Variants in LRRN3 observed in about 807,000 individuals in gnomAD.
LRRN3 encodes the protein leucine rich repeat neuronal 3, also known as leucine-rich repeat neuronal protein 3.
Under a neutral mutation model 40.1 loss-of-function variants are expected in LRRN3, and 15 were observed. The ratio of observed to expected loss-of-function variants is 0.37; its 90% confidence interval spans 0.25 to 0.58. The LOEUF is 0.58. Among genes scored for constraint, LRRN3 ranks in the 20% least tolerant of loss-of-function variants. The pLI is 0.72. For missense variants in LRRN3, 746 were observed against 837.7 expected (o/e 0.89, Z 1.35); for synonymous variants, 308 against 297.2 (o/e 1.04, Z -0.37).
At chr7:111,112,165 G>A (rs912224204) in intron 2 of LRRN3, among the ~76,000 whole-genome samples, 7 of 151,694 alleles carry the variant, frequency 4.6e-5, no homozygotes, top group East Asian at 3.9e-4. Flanking sequence ...ACTGGGTTTC[G>A]CCATGTTGGC....
In LRRN3 at chr7:111,122,728, T is replaced by C. The variant is rs1232916425; in HGVS notation, c.-45T>C. On this transcript the variant is annotated 5_prime_UTR_variant, in exon 3 of 3. Transcript: ENST00000308478. ...CTATTGAACTTACTAGCACTGACTG[T>C]GGAATCCTTAAGGGCCCATTACATT... is the stretch of plus-strand genomic sequence containing the variant. 5 of 1,475,746 alleles carry C rather than the reference T, an allele frequency of 3.4e-6. No individual in the cohort carries two copies. Among genetic ancestry groups the C allele is most frequent in the Non-Finnish European group, 4.7e-6 (5 of 1,074,164 alleles). 91.4% of individuals were successfully genotyped at this position (1,475,746 alleles called of 1,614,324 possible). A position where few individuals can be genotyped will look rare whatever the true frequency, so the allele number is the denominator to read the frequency against.
At chr7:111,120,937 C>CAAA (rs545042207) in intron 2 of LRRN3, among the ~76,000 whole-genome samples, 4 of 131,998 alleles carry the variant, frequency 3.0e-5, no homozygotes, top group African/African-American at 8.0e-5. Flanking sequence ...CTCTAACAGG[C>CAAA]AAAAAAAAAA....
In LRRN3 at chr7:111,124,650, C is replaced by T. The variant is rs1801075706; in HGVS notation, c.1878C>T (p.Thr626=). The T allele has an allele frequency of 6.2e-7, 1 of 1,613,706 alleles. No individual in the cohort carries two copies. The highest frequency in any genetic ancestry group is 1.1e-5 in the South Asian group (1 of 91,070). Residue 626 remains threonine (T), a synonymous_variant, in exon 3 of 3, where the codon ACC becomes ACT. Coordinates refer to ENST00000308478, the MANE Select transcript of LRRN3 (RefSeq NM_001099658.2). ...AAAAAGAGTATGAAAAGAATAATAC[C>T]ACAACACTTATGGCCTGTCTTGGAG... The part of the protein sequence containing the change: ...PDQKEYEKNN[T]TTLMACLGGL...
At chr7:111,092,372 T>C (rs774090519) in intron 1 of LRRN3, among the ~76,000 whole-genome samples, 2 of 152,332 alleles carry the variant, frequency 1.3e-5, no homozygotes, top group African/African-American at 4.8e-5. Flanking sequence ...CCCTTTGCTG[T>C]TGTTGAGCTG....
chr7:111,118,626 T>A (rs1800182067), intron 2 of LRRN3, among the ~76,000 whole-genome samples: 1 of 152,096 alleles, frequency 6.6e-6, no homozygotes, highest in African/African-American at 2.4e-5. Context: ...AAATTAATAA[T>A]GAATAAGAAA....
intron 1 of LRRN3, among the ~76,000 whole-genome samples, chr7:111,092,334 ATTGT>A (rs1796958636): frequency 6.6e-6 from 1 of 152,176 alleles, no homozygotes. Context: ...ATTTAAGAAA[ATTGT>A]TTGTTCTAAC....
chr7:111,101,176 A>G (rs1797931121), intron 2 of LRRN3, among the ~76,000 whole-genome samples: 1 of 151,528 alleles, frequency 6.6e-6, no homozygotes, highest in Admixed American at 6.6e-5. Flanking sequence ...TACTTGATAT[A>G]GACTTTTATG....
chr7:111,109,727 T>C (rs1798970917), intron 2 of LRRN3, among the ~76,000 whole-genome samples: 1 of 152,150 alleles, frequency 6.6e-6, no homozygotes. Flanking sequence ...TATATGAAAA[T>C]TGAACTGAAT....
chr7:111,092,176 C>T (rs145106392), intron 1 of LRRN3, among the ~76,000 whole-genome samples: 3 of 152,284 alleles, frequency 2.0e-5, no homozygotes, highest in African/African-American at 7.2e-5. Context: ...AACATCCCCT[C>T]GCTGGTCTGA....
chr7:111,117,011 A>G (rs1442718039), intron 2 of LRRN3, among the ~76,000 whole-genome samples: 1 of 152,168 alleles, frequency 6.6e-6, no homozygotes, highest in Non-Finnish European at 1.5e-5. Flanking sequence ...CCTTAATTTA[A>G]TGATTAAAGT....
chr7:111,111,664 C>CA (rs1799219268), intron 2 of LRRN3, among the ~76,000 whole-genome samples: 1 of 151,916 alleles, frequency 6.6e-6, no homozygotes, highest in African/African-American at 2.4e-5. Context: ...AATGTCCCCC[C>CA]CTGCGTCAAT....
chr7:111,097,845 T>G (rs1797567288), intron 1 of LRRN3, among the ~76,000 whole-genome samples: 1 of 151,916 alleles, frequency 6.6e-6, no homozygotes, highest in South Asian at 2.1e-4. Flanking sequence ...TTTCAATAGT[T>G]GCAGGAAATA....
At chr7:111,102,877 T>C (rs1798129152) in intron 2 of LRRN3, among the ~76,000 whole-genome samples, 1 of 151,518 alleles carries the variant, frequency 6.6e-6, no homozygotes, top group Non-Finnish European at 1.5e-5. Context: ...ATAAATCTCA[T>C]TGTAAACTTA....
intron 2 of LRRN3, among the ~76,000 whole-genome samples, chr7:111,101,822 C>T (rs1798012861): frequency 6.6e-6 from 1 of 151,324 alleles, no homozygotes; most frequent in Admixed American, 6.6e-5. Flanking sequence ...AACATAGTTC[C>T]TATCTCTACT....
chr7:111,120,402 C>T (rs1250633016), intron 2 of LRRN3, among the ~76,000 whole-genome samples: 3 of 152,064 alleles, frequency 2.0e-5, no homozygotes, highest in African/African-American at 4.8e-5. Flanking sequence ...CCTATAAAAA[C>T]ATCAGATCTC....
intron 1 of LRRN3, among the ~76,000 whole-genome samples, chr7:111,099,494 T>C (rs1010087732): frequency 6.6e-6 from 1 of 151,748 alleles, no homozygotes; most frequent in African/African-American, 2.4e-5. Flanking sequence ...AGAAGCGTTC[T>C]ATATTAGCTG....
intron 1 of LRRN3, among the ~76,000 whole-genome samples, chr7:111,094,734 A>G (rs1797226325): frequency 6.6e-6 from 1 of 152,168 alleles, no homozygotes; most frequent in Non-Finnish European, 1.5e-5. Flanking sequence ...GTATTGTTAG[A>G]CATCTACGAA....
At chr7:111,094,232 G>A (rs919973432) in intron 1 of LRRN3, among the ~76,000 whole-genome samples, 9 of 151,844 alleles carry the variant, frequency 5.9e-5, no homozygotes, top group Non-Finnish European at 1.2e-4. Context: ...CTCTATAACC[G>A]GAGTTTCGTT....
intron 1 of LRRN3, among the ~76,000 whole-genome samples, chr7:111,098,804 C>T (rs868867132): frequency 2.0e-5 from 3 of 151,682 alleles, no homozygotes; most frequent in African/African-American, 7.3e-5. Context: ...GGTTAGTTAG[C>T]TCGAAAGAAC....
Sources: allele counts gnomAD v4.1 joint callset (sites outside exome capture counted in the v4.1 genomes callset), GRCh38; gene constraint gnomAD v4.1.1; transcripts MANE v1.5; gene names NCBI Gene and HGNC (gene_info 2026-07-23, HGNC 2026-07-21).